The following MYO18A variants were observed in gnomAD, a reference collection of about 807,000 sequenced individuals.
The protein encoded by MYO18A is myosin XVIIIA.
Under a neutral mutation model 235.8 loss-of-function variants are expected in MYO18A, and 78 were observed. The ratio of observed to expected loss-of-function variants is 0.33; its 90% CI spans 0.28 to 0.40. The LOEUF is 0.40. Among genes scored for constraint, MYO18A ranks in the 10% least tolerant of loss-of-function variants. The pLI, the probability that MYO18A is intolerant of heterozygous loss-of-function variation, is 1.00. For missense variants in MYO18A, 2,215 were observed against 2,699.3 expected (o/e 0.82, Z 3.98); for synonymous variants, 977 against 1,077.8 (o/e 0.91, Z 1.83).
At position 29,094,691 on chromosome 17, in the gene MYO18A, C is replaced by T; in HGVS notation, c.4669G>A (p.Glu1557Lys). Residue 1557 changes from glutamate (E) to lysine (K), a missense_variant, in exon 30 of 42, where the codon GAG (glutamate) becomes AAG (lysine). Physicochemically the swap from Glu to Lys is moderately conservative, Grantham distance 56 (BLOSUM62 1). Transcript: ENST00000527372. ...LEAKVKDQEE[E>K]LDEQAGTIQM... The stretch of plus-strand genomic sequence containing the variant: ...ATGGTCCCTGCCTGCTCATCCAGCT[C>T]TTCTTCCTGATCCTTGACTTTGGCC... 2 of 1,614,070 alleles carry T rather than the reference C, an allele frequency of 1.2e-6. No individual in the cohort carries two copies. Among genetic ancestry groups the T allele is most frequent in the Non-Finnish European group, 1.7e-6 (2 of 1,179,902 alleles).
At chr17:29,108,962 G>A (rs1438343422) in intron 19 of MYO18A, among the ~76,000 whole-genome samples, 3 of 152,068 alleles carry the variant, frequency 2.0e-5, no homozygotes, top group Non-Finnish European at 2.9e-5. Context: ...ATATCAAGAC[G>A]TGGGGACAGA....
chr17:29,074,046 ACTT>A lies in MYO18A; in HGVS notation c.*721_*723del, dbSNP rs993836630. On this transcript the variant is annotated 3_prime_UTR_variant, in exon 42 of 42. Transcript: ENST00000527372. This position sits in a 1 kb window ranked among gnomAD's most constrained non-coding sequence, Gnocchi z 4.4. ...GGAGGTGCGGATGGTCCACACACAC[ACTT>A]GTCTGCGTAGGCTTGCTCAACCCAG... 26 of 1,613,858 alleles carry A rather than the reference ACTT, an allele frequency of 1.6e-5. No individual in the cohort carries two copies. The highest frequency in any genetic ancestry group is 2.1e-5 in the Non-Finnish European group (25 of 1,180,008).
chr17:29,145,502 T>C (rs1359814282), intron 2 of MYO18A, among the ~76,000 whole-genome samples: 2 of 152,254 alleles, frequency 1.3e-5, no homozygotes, highest in East Asian at 3.9e-4. Context: ...CTGTGAACTG[T>C]AATACCTCAA....
intron 2 of MYO18A, among the ~76,000 whole-genome samples, chr17:29,138,105 T>C (rs1213111921): frequency 6.6e-6 from 1 of 152,060 alleles, no homozygotes; most frequent in Non-Finnish European, 1.5e-5. Context: ...CTGCACTCTC[T>C]GGGCCCCTCA....
In MYO18A at chr17:29,096,893, C is replaced by A; in HGVS notation, c.4253G>T (p.Ser1418Ile). ...ERRLGDLQAD[S>I]EESQRALQQL... The stretch of plus-strand genomic sequence containing the variant: ...CTGCAGAGCCCGCTGACTCTCCTCA[C>A]TATCTGCCTGCAGGTCCCCGAGCTA... The change falls in exon 28 of 42, where the codon AGT becomes ATT. Residue 1418 changes from serine (S) to isoleucine (I), a missense_variant. By Grantham distance (142) the Ser-to-Ile change is moderately radical (BLOSUM62 -2). Transcript: ENST00000527372. 6.3e-7 allele frequency: 1 copy of A among 1,576,620 alleles called. No individual in the cohort carries two copies. Among genetic ancestry groups the A allele is most frequent in the Non-Finnish European group, 8.6e-7 (1 of 1,162,270 alleles).
chr17:29,123,708 G>A (rs1003859652), intron 2 of MYO18A, among the ~76,000 whole-genome samples: 1 of 152,214 alleles, frequency 6.6e-6, no homozygotes, highest in African/African-American at 2.4e-5. Flanking sequence ...GGTGTGTTAA[G>A]TGAGGACATT....
chr17:29,112,410 G>A (rs545511625), intron 15 of MYO18A, among the ~76,000 whole-genome samples: 4 of 152,216 alleles, frequency 2.6e-5, no homozygotes, highest in Non-Finnish European at 5.9e-5. Flanking sequence ...CATAAGACAG[G>A]TGACTTAACG....
At chr17:29,153,067 A>G (rs2067992174) in intron 2 of MYO18A, among the ~76,000 whole-genome samples, 1 of 152,100 alleles carries the variant, frequency 6.6e-6, no homozygotes, top group Non-Finnish European at 1.5e-5. Context: ...AGTGGTTTAT[A>G]TGTATTGATT....
In MYO18A at chr17:29,115,658, G is replaced by A. The variant is rs765869620; in HGVS notation, c.2227+6C>T. 1.3e-6 allele frequency: 2 copies of A among 1,589,150 alleles called. No individual in the cohort carries two copies. Among genetic ancestry groups the A allele is most frequent in the South Asian group, 2.3e-5 (2 of 87,780 alleles). ...TCACAACTACCAGCCAAGGGACAAA[G>A]GGTACCTGTCCCATCTCCCAGGCCA... is the stretch of plus-strand genomic sequence containing the variant. On this transcript the variant is annotated splice_donor_region_variant and intron_variant, in intron 12 of 41. Coordinates refer to ENST00000527372, the MANE Select transcript of MYO18A (RefSeq NM_078471.4).
chr17:29,155,270 T>G (rs2068043161), intron 2 of MYO18A: 1 of 152,382 alleles, frequency 6.6e-6, no homozygotes, highest in Non-Finnish European at 1.5e-5. Flanking sequence ...CGTCCCACCC[T>G]GATTGCAACA....
chr17:29,130,149 G>A (rs1054676690), intron 2 of MYO18A, among the ~76,000 whole-genome samples: 8 of 151,858 alleles, frequency 5.3e-5, no homozygotes, highest in Non-Finnish European at 8.8e-5. Flanking sequence ...ACAAAAAGTA[G>A]CCAGGCTTGA....
rs1273183728 is a variant in MYO18A, at chr17:29,121,074, G to C, written c.1509C>G (p.Gly503=). 1.2e-6 allele frequency: 2 copies of C among 1,612,754 alleles called. No homozygotes were observed. The highest frequency in any genetic ancestry group is 1.7e-6 in the Non-Finnish European group (2 of 1,179,482). The change falls in exon 6 of 42, where the codon GGC becomes GGG. Residue 503 remains glycine, a synonymous_variant. Transcript: ENST00000527372. The surrounding 1 kb of genome is among the most constrained non-coding windows in gnomAD (Gnocchi z 4.2). ...CCAGATGCTGGCAGCTGGTGGTCTTGCCACTGCCACTACTGCCCAGGAGGA... is the reference window on the plus strand; with the variant it reads ...CCAGATGCTGGCAGCTGGTGGTCTTCCCACTGCCACTACTGCCCAGGAGGA... ...SIILLGSSGS[G]KTTSCQHLVQ...
Position 29,086,514 on chromosome 17 carries a change from A to G in MYO18A, c.5776T>C (p.Phe1926Leu), listed in dbSNP as rs2066257618. The change falls in exon 39 of 42, where the codon TTC becomes CTC. Residue 1926 changes from phenylalanine to leucine, a missense_variant. Phe to Leu is a conservative substitution (Grantham distance 22). Transcript: ENST00000527372. ...GCCTGCAGGTCCCCGATGCGCTTGA[A>G]TGCCAACTTTAGGTCAGCCTGCAGG... ...QSLQADLKLA[F>L]KRIGDLQAAI... 6.2e-7 allele frequency: 1 copy of G among 1,612,848 alleles called. No homozygotes were observed. Among genetic ancestry groups the G allele is most frequent in the Admixed American group, 1.7e-5 (1 of 59,870 alleles).
At chr17:29,089,314 G>A (rs1293843626) in intron 37 of MYO18A, among the ~76,000 whole-genome samples, 3 of 150,296 alleles carry the variant, frequency 2.0e-5, no homozygotes, top group East Asian at 2.0e-4. Flanking sequence ...CCATCTACTC[G>A]GGAGGCTGAG....
chr17:29,101,098 A>T (rs1163328298), intron 21 of MYO18A, among the ~76,000 whole-genome samples: 2 of 152,028 alleles, frequency 1.3e-5, no homozygotes, highest in Non-Finnish European at 2.9e-5. Flanking sequence ...CCCAGGCTTA[A>T]GCTATCGTCC....
At chr17:29,088,895 A>T (rs1286173812) in intron 37 of MYO18A, among the ~76,000 whole-genome samples, 1 of 151,996 alleles carries the variant, frequency 6.6e-6, no homozygotes, top group Non-Finnish European at 1.5e-5. Context: ...AAAATTAGCC[A>T]GGCATGGTGG....
intron 2 of MYO18A, among the ~76,000 whole-genome samples, chr17:29,154,100 G>GT (rs1567636507): frequency 1.5e-5 from 2 of 136,284 alleles, no homozygotes; most frequent in African/African-American, 6.6e-5. Flanking sequence ...AAATTCTGCA[G>GT]AGTGTGTGTG....
Position 29,099,165 on chromosome 17 carries a change from AG to A in MYO18A, c.3637-197del, listed in dbSNP as rs1205080567. Among the ~76,000 whole-genome samples, 7 of 152,196 alleles carry A rather than the reference AG, an allele frequency of 4.6e-5. No individual in the cohort carries two copies. The South Asian group carries it at 1.5e-3, about 32-fold the overall frequency. On this transcript the variant is annotated intron_variant, in intron 22 of 41. Coordinates refer to ENST00000527372, the MANE Select transcript of MYO18A (RefSeq NM_078471.4). Reference sequence around the variant, plus strand: ...TCAAAGGGTGGGCAGCACAGAACCCAGCCCTGGGAGCACTGCGCTGGGCACT... The same window carrying A: ...TCAAAGGGTGGGCAGCACAGAACCCACCCTGGGAGCACTGCGCTGGGCACT...
At chr17:29,139,051 G>C (rs530654663) in intron 2 of MYO18A, among the ~76,000 whole-genome samples, 4 of 152,298 alleles carry the variant, frequency 2.6e-5, no homozygotes, top group African/African-American at 9.6e-5. Context: ...GAGCTTGGCA[G>C]GGACAACCTG....
Sources: allele counts gnomAD v4.1 joint callset (sites outside exome capture counted in the v4.1 genomes callset), GRCh38; gene constraint gnomAD v4.1.1; non-coding constraint Gnocchi (gnomAD v3.1); transcripts MANE v1.5; gene names NCBI Gene and HGNC (gene_info 2026-07-23, HGNC 2026-07-21).